Variants in ABR observed in about 807,000 individuals in gnomAD.
ABR encodes the protein ABR activator of RhoGEF and GTPase, also known as active breakpoint cluster region-related protein.
ABR carries 35 observed loss-of-function variants against 107.2 expected under a neutral mutation model. The observed-to-expected ratio is 0.33, with a 90% CI of 0.25 to 0.43. The LOEUF is 0.43. Among genes scored for constraint, ABR ranks in the 20% least tolerant of loss-of-function variants. The probability of loss-of-function intolerance (pLI) is 1.00; values close to 1 mark genes in which losing one functional copy is unlikely to be tolerated. For synonymous variants in ABR, 498 were observed against 462.0 expected (o/e 1.08, Z -1.00); for missense variants, 815 against 1,115.2 (o/e 0.73, Z 3.83).
chr17:1,100,815 T>G, intron 2 of ABR, 80 bp from the exon 3 acceptor site: 1 of 1,337,904 alleles, frequency 7.5e-7, no homozygotes, highest in Non-Finnish European at 1.1e-6. Flanking sequence ...TTCCCTGCCC[T>G]TCCCCCCCGA....
intron 1 of ABR, among the ~76,000 whole-genome samples, chr17:1,209,066 G>A (rs1046650313): frequency 1.3e-5 from 2 of 152,140 alleles, no homozygotes; most frequent in African/African-American, 4.8e-5. Context: ...TTGGTTCACT[G>A]CTCGGCTCAA....
intron 16 of ABR, among the ~76,000 whole-genome samples, chr17:1,028,066 G>A (rs1048077277): frequency 2.6e-5 from 4 of 151,856 alleles, no homozygotes; most frequent in Non-Finnish European, 4.4e-5. Flanking sequence ...CTGCGGTGGC[G>A]ATCAAGCTGA....
chr17:1,212,297 G>A (rs999563372), intron 1 of ABR, among the ~76,000 whole-genome samples: 2 of 151,834 alleles, frequency 1.3e-5, no homozygotes, highest in Non-Finnish European at 2.9e-5. Flanking sequence ...CAGGTGTGGT[G>A]GTACATGCCT....
intron 16 of ABR, chr17:1,031,932 C>T: frequency 1.1e-6 from 1 of 911,524 alleles, no homozygotes; most frequent in Non-Finnish European, 1.4e-6. Context: ...CCTCCGCATC[C>T]CTCCTTCCCC....
At chr17:1,053,630 C>A (rs954940248) in intron 14 of ABR, among the ~76,000 whole-genome samples, 3 of 152,172 alleles carry the variant, frequency 2.0e-5, no homozygotes, top group African/African-American at 7.2e-5. Context: ...CAGGGCCTCA[C>A]CTCTGAGTGA....
At chr17:1,079,043 G>A (rs965212937) in intron 6 of ABR, 9 of 1,429,360 alleles carry the variant, frequency 6.3e-6, no homozygotes, top group Non-Finnish European at 8.2e-6. Context: ...AGGAGAGGAG[G>A]GAAGGGGAAG....
chr17:1,183,679 C>T (rs1035924897), upstream of ABR, among the ~76,000 whole-genome samples: 4 of 152,124 alleles, frequency 2.6e-5, no homozygotes, highest in African/African-American at 4.8e-5. Context: ...CCACTGCACA[C>T]GACAGGAAGG....
intron 1 of ABR, among the ~76,000 whole-genome samples, chr17:1,153,596 G>C (rs1284747359): frequency 2.8e-5 from 3 of 106,868 alleles, no homozygotes; most frequent in African/African-American, 8.9e-5. Flanking sequence ...TGGGGACCCA[G>C]GCACACCTGC....
intron 1 of ABR, among the ~76,000 whole-genome samples, chr17:1,137,603 C>T (rs1473579589): frequency 6.6e-6 from 1 of 152,160 alleles, no homozygotes; most frequent in Non-Finnish European, 1.5e-5. Flanking sequence ...GATCACAGAT[C>T]ACTGTAACAG....
At chr17:1,132,612 T>C (rs7405693) in intron 1 of ABR, among the ~76,000 whole-genome samples, 83,174 of 151,610 alleles carry the variant, frequency 0.55, 23,090 homozygotes, top group East Asian at 0.67. Flanking sequence ...CTCCTGACCT[T>C]GTGATCCACC....
chr17:1,009,663 G>A lies in ABR; in HGVS notation c.2342+16C>T. Reference sequence around the variant, plus strand: ...GGAGGGACTGAGGAGGTGGGGTTGGGGCCGCTCCCCGTTACCTTTTCAAGT... The same window carrying A: ...GGAGGGACTGAGGAGGTGGGGTTGGAGCCGCTCCCCGTTACCTTTTCAAGT... On this transcript the variant is annotated intron_variant, in intron 21 of 22. Transcript: ENST00000302538. 3 of 1,608,216 alleles carry A rather than the reference G, an allele frequency of 1.9e-6. No homozygotes were observed. The highest frequency in any genetic ancestry group is 2.6e-6 in the Non-Finnish European group (3 of 1,174,814).
At chr17:1,025,603 G>A (rs1362622542) in intron 16 of ABR, among the ~76,000 whole-genome samples, 1 of 152,176 alleles carries the variant, frequency 6.6e-6, no homozygotes, top group Non-Finnish European at 1.5e-5. Flanking sequence ...TCGGGGTGTG[G>A]ACCTTGCCGG....
chr17:1,185,089 C>G (rs1372801121), intron 1 of ABR: 2 of 152,118 alleles, frequency 1.3e-5, no homozygotes, highest in African/African-American at 4.8e-5. Context: ...AAGTTAAACT[C>G]AGGGAGGAAG....
chr17:1,019,200 C>T (rs2071432045), intron 16 of ABR, among the ~76,000 whole-genome samples: 1 of 152,206 alleles, frequency 6.6e-6, no homozygotes, highest in African/African-American at 2.4e-5. Flanking sequence ...CCCAGGACTG[C>T]ACCTCCTGAT....
At chr17:1,127,454 G>A (rs577612335) in intron 1 of ABR, among the ~76,000 whole-genome samples, 1 of 152,296 alleles carries the variant, frequency 6.6e-6, no homozygotes, top group African/African-American at 2.4e-5. Context: ...GTCCTTCCAG[G>A]GGGAGGAGGA....
intron 14 of ABR, chr17:1,055,191 G>C (rs938614211): frequency 2.2e-4 from 34 of 152,102 alleles, no homozygotes; most frequent in African/African-American, 7.5e-4. Context: ...GCCAACATGG[G>C]GAGAACCTGT....
At chr17:1,159,237 G>T (rs557030584) in intron 1 of ABR, among the ~76,000 whole-genome samples, 176 of 151,260 alleles carry the variant, frequency 1.2e-3, no homozygotes, top group African/African-American at 4.0e-3. Context: ...GTAAGAATGC[G>T]GTACTCACAC....
At chr17:1,031,123 C>T (rs1484345072) in intron 16 of ABR, among the ~76,000 whole-genome samples, 1 of 152,192 alleles carries the variant, frequency 6.6e-6, no homozygotes, top group African/African-American at 2.4e-5. Context: ...AGCCTCGAGC[C>T]CCCAGACCCG....
At position 1,020,618 on chromosome 17, in the gene ABR, T is replaced by C. The variant is rs180812312; in HGVS notation, c.1792-7454A>G. Among the ~76,000 whole-genome samples, 151 of 152,154 alleles carry C rather than the reference T, an allele frequency of 9.9e-4. 1 individual carries two copies. The East Asian group carries it at 0.014, about 14-fold the overall frequency. On this transcript the variant is annotated intron_variant, in intron 16 of 22. Transcript: ENST00000302538. ...GATTCTCTGCCAAGAATCCCGTAGG[T>C]GGCTGGTGGAGGTCGCCTCGCCTTT...
Sources: gnomAD v4.1 joint callset for allele counts (sites outside exome capture counted in the v4.1 genomes callset) on GRCh38, gnomAD v4.1.1 for gene constraint, MANE v1.5 for transcripts, NCBI Gene and HGNC (gene_info 2026-07-23, HGNC 2026-07-21) for gene names.